The following CCDC170 variants were observed in gnomAD, a reference collection of about 807,000 sequenced individuals.
CCDC170 encodes the protein coiled-coil domain containing 170.
Under a neutral mutation model 72.6 loss-of-function variants are expected in CCDC170, and 69 were observed. That is an observed-to-expected ratio of 0.95 (90% confidence interval 0.78 to 1.16). The LOEUF is 1.16. Ranked by LOEUF, CCDC170 falls within the 50% of genes most tolerant of loss-of-function variation. The probability of loss-of-function intolerance (pLI) is 0.00; values close to 1 mark genes in which losing one functional copy is unlikely to be tolerated. For synonymous variants in CCDC170, 300 were observed against 303.9 expected, an observed-to-expected ratio of 0.99 and a Z score of 0.13; for missense variants, 852 against 832.5, an observed-to-expected ratio of 1.02 and a Z score of -0.29.
chr6:151,500,255 A>G (rs1029197312), intron 1 of CCDC170, among the ~76,000 whole-genome samples: 1 of 150,582 alleles, frequency 6.6e-6, no homozygotes, highest in Non-Finnish European at 1.5e-5. Flanking sequence ...CTCAAAATCA[A>G]GTTTAAGAAG....
intron 3 of CCDC170, among the ~76,000 whole-genome samples, chr6:151,541,626 T>C (rs1466770695): frequency 1.3e-5 from 2 of 151,932 alleles, no homozygotes; most frequent in Admixed American, 1.3e-4. Flanking sequence ...ATAAAAACAC[T>C]ATATGCATAT....
intron 6 of CCDC170, among the ~76,000 whole-genome samples, chr6:151,575,112 A>G (rs1036739286): frequency 6.6e-6 from 1 of 152,218 alleles, no homozygotes; most frequent in Non-Finnish European, 1.5e-5. Flanking sequence ...CTTTGTTTAA[A>G]TTATCATCAA....
intron 3 of CCDC170, among the ~76,000 whole-genome samples, chr6:151,539,260 C>A (rs371712275): frequency 3.4e-5 from 5 of 148,110 alleles, no homozygotes; most frequent in Non-Finnish European, 4.5e-5. Context: ...GACTCTGTCT[C>A]AAAAAAAAAA....
At chr6:151,580,171 G>A (rs1776360563) in intron 6 of CCDC170, among the ~76,000 whole-genome samples, 1 of 152,060 alleles carries the variant, frequency 6.6e-6, no homozygotes, top group Non-Finnish European at 1.5e-5. Flanking sequence ...TGCTGACTAT[G>A]GCTAACTGAT....
chr6:151,607,208 G>A (rs1776799805), intron 9 of CCDC170, among the ~76,000 whole-genome samples: 2 of 152,008 alleles, frequency 1.3e-5, no homozygotes, highest in East Asian at 1.9e-4. Flanking sequence ...GTGGGTCTAC[G>A]GGGGTTGACC....
At chr6:151,505,609 G>A (rs1465285748) in intron 1 of CCDC170, among the ~76,000 whole-genome samples, 1 of 152,034 alleles carries the variant, frequency 6.6e-6, no homozygotes, top group African/African-American at 2.4e-5. Context: ...GCGTGAACCC[G>A]GGAGGCGGAG....
At chr6:151,580,274 C>T (rs4870044) in intron 6 of CCDC170, among the ~76,000 whole-genome samples, 67,640 of 151,854 alleles carry the variant, frequency 0.45, 17,975 homozygotes, top group East Asian at 0.82. Context: ...GTATAGGAGA[C>T]GTTGAAGGGT....
chr6:151,554,254 C>T (rs1245404259), intron 5 of CCDC170, among the ~76,000 whole-genome samples: 3 of 152,172 alleles, frequency 2.0e-5, no homozygotes, highest in Non-Finnish European at 4.4e-5. Context: ...CACCCATTTC[C>T]TATGAATTAC....
intron 1 of CCDC170, among the ~76,000 whole-genome samples, chr6:151,509,851 G>A (rs768910368): frequency 3.3e-5 from 5 of 152,104 alleles, no homozygotes; most frequent in Non-Finnish European, 4.4e-5. Context: ...GAGGCCAGGC[G>A]TGGTGGCTCA....
chr6:151,503,545 C>G (rs1782024144), intron 1 of CCDC170, among the ~76,000 whole-genome samples: 2 of 152,078 alleles, frequency 1.3e-5, no homozygotes, highest in Non-Finnish European at 2.9e-5. Context: ...ATCCGCCTCC[C>G]AGGCTCAAGC....
chr6:151,502,816 C>A (rs1782011108), intron 1 of CCDC170, among the ~76,000 whole-genome samples: 1 of 152,194 alleles, frequency 6.6e-6, no homozygotes, highest in Non-Finnish European at 1.5e-5. Context: ...TTGACCAACT[C>A]TAAAATGAGT....
intron 1 of CCDC170, among the ~76,000 whole-genome samples, chr6:151,523,823 C>T (rs972437888): frequency 6.6e-6 from 1 of 152,138 alleles, no homozygotes; most frequent in Non-Finnish European, 1.5e-5. Flanking sequence ...TGTACTTGCA[C>T]AACAAAAGCA....
intron 9 of CCDC170, among the ~76,000 whole-genome samples, chr6:151,605,701 G>T (rs1247859350): frequency 6.6e-6 from 1 of 151,926 alleles, no homozygotes; most frequent in Non-Finnish European, 1.5e-5. Flanking sequence ...TGAGGGGAGG[G>T]GCATTGTGGC....
intron 1 of CCDC170, 190 bp from the exon 2 acceptor site, chr6:151,536,128 T>C: frequency 1.7e-6 from 1 of 594,068 alleles, no homozygotes; most frequent in Non-Finnish European, 2.9e-6. Context: ...TCCCGAACTT[T>C]CTCCTGCTTC....
At chr6:151,595,408 AAGACCAAG>A (rs1776605970) in intron 8 of CCDC170, among the ~76,000 whole-genome samples, 1 of 152,174 alleles carries the variant, frequency 6.6e-6, no homozygotes, top group South Asian at 2.1e-4. Context: ...ACATATAATA[AAGACCAAG>A]AAACCTTCTT....
At chr6:151,555,572 C>A (rs1033029333) in intron 5 of CCDC170, among the ~76,000 whole-genome samples, 1 of 152,158 alleles carries the variant, frequency 6.6e-6, no homozygotes, top group African/African-American at 2.4e-5. Context: ...AATGTTCAAC[C>A]TTTCCTTTAA....
intron 5 of CCDC170, among the ~76,000 whole-genome samples, chr6:151,564,083 C>T (rs113905257): frequency 3.9e-5 from 6 of 152,100 alleles, no homozygotes; most frequent in South Asian, 2.1e-4. Context: ...TGCTTTTGCA[C>T]GTTTCTTGTG....
intron 1 of CCDC170, among the ~76,000 whole-genome samples, chr6:151,517,118 T>TGAGGGAGTTG (rs1782246965): frequency 6.6e-6 from 1 of 152,270 alleles, no homozygotes; most frequent in South Asian, 2.1e-4. Flanking sequence ...GATGGATACC[T>TGAGGGAGTTG]GAGGTCAGGA....
intron 9 of CCDC170, among the ~76,000 whole-genome samples, chr6:151,600,462 CTCT>C (rs1305054094): frequency 3.3e-5 from 5 of 152,076 alleles, no homozygotes; most frequent in Non-Finnish European, 7.4e-5. Context: ...CCCTGTGTGT[CTCT>C]TCTTTTCTGT....
Sources: gnomAD v4.1 joint callset for allele counts (sites outside exome capture counted in the v4.1 genomes callset) on GRCh38, gnomAD v4.1.1 for gene constraint, MANE v1.5 for transcripts, NCBI Gene and HGNC (gene_info 2026-07-23, HGNC 2026-07-21) for gene names.